The following DYTN variants were observed in gnomAD, a reference collection of about 807,000 sequenced individuals.
DYTN encodes dystrotelin.
DYTN carries 75 observed loss-of-function variants against 69.6 expected under a neutral mutation model. That is an observed-to-expected ratio of 1.08 (90% CI 0.89 to 1.31). The LOEUF (loss-of-function observed/expected upper bound fraction) is 1.31. DYTN is among the 50% of genes most tolerant of loss of function. DYTN has a pLI of 0.00. For missense variants in DYTN, 726 were observed against 688.4 expected (o/e 1.05, Z -0.61); for synonymous variants, 252 against 249.1 (o/e 1.01, Z -0.11).
At chr2:206,655,908 G>C (rs558026550) in intron 11 of DYTN, among the ~76,000 whole-genome samples, 2 of 152,252 alleles carry the variant, frequency 1.3e-5, no homozygotes, top group African/African-American at 4.8e-5. Flanking sequence ...ATTAACATAT[G>C]ATCTATCCCA....
Position 206,651,835 on chromosome 2 carries a change from A to T in DYTN, c.1720T>A (p.Leu574Met). The change falls in exon 12 of 12, where the codon TTG (leucine) becomes ATG (methionine). Residue 574 changes from leucine to methionine, a missense_variant. Physicochemically the swap from Leu to Met is conservative, Grantham distance 15. Transcript: ENST00000452335. ...AFSALVDQIA[L>M]PNLK ...ACTCCATTTCACTTCAAATTGGGCA[A>T]GGCAATTTGATCAACAAGGGCAGAG... is the stretch of plus-strand genomic sequence containing the variant. 1 of 1,613,610 alleles carries T rather than the reference A, an allele frequency of 6.2e-7. No individual in the cohort carries two copies. Among genetic ancestry groups the T allele is most frequent in the Non-Finnish European group, 8.5e-7 (1 of 1,179,582 alleles).
chr2:206,692,137 C>T (rs1355869742), intron 9 of DYTN, among the ~76,000 whole-genome samples: 1 of 151,686 alleles, frequency 6.6e-6, no homozygotes. Context: ...AAAAATTCAG[C>T]GAGCATGGTG....
intron 7 of DYTN, among the ~76,000 whole-genome samples, chr2:206,696,148 C>T (rs941628916): frequency 2.6e-5 from 4 of 152,164 alleles, no homozygotes; most frequent in Non-Finnish European, 4.4e-5. Flanking sequence ...AAGTGAGGCT[C>T]ATGCTATACA....
Position 206,691,381 on chromosome 2 carries a change from C to A in DYTN, c.980+1794G>T, listed in dbSNP as rs375066253. 2.2e-4 allele frequency among the ~76,000 whole-genome samples: 33 copies of A among 152,118 alleles called. No homozygotes were observed. The South Asian group carries it at 6.3e-3, about 29-fold the overall frequency. On this transcript the variant is annotated intron_variant, in intron 9 of 11. Coordinates refer to ENST00000452335, the MANE Select transcript of DYTN (RefSeq NM_001093730.1). Reference sequence around the variant, plus strand: ...CGAGCCGAGATGGTGCCACTACACTCCAACCTGAGCATCACAGCAAGACTC... The same window carrying A: ...CGAGCCGAGATGGTGCCACTACACTACAACCTGAGCATCACAGCAAGACTC...
intron 10 of DYTN, 88 bp downstream of exon 10, chr2:206,665,782 G>A: frequency 1.3e-6 from 2 of 1,494,366 alleles, no homozygotes; most frequent in Non-Finnish European, 1.8e-6. Context: ...GCTGATCAAA[G>A]TAAGGTGGGA....
chr2:206,651,869 G>A lies in DYTN; in HGVS notation c.1686C>T (p.Cys562=). ...MDLYSGAQRV[C]RAFSALVDQI... is the part of the protein sequence containing the mutation. Reference sequence around the variant, plus strand: ...GATCAACAAGGGCAGAGAAGGCCCTGCACACTCGCTGAGCTCCACTGTACA... The same window carrying A: ...GATCAACAAGGGCAGAGAAGGCCCTACACACTCGCTGAGCTCCACTGTACA... The change falls in exon 12 of 12, where the codon TGC becomes TGT. Residue 562 remains cysteine (C), a synonymous_variant. Coordinates refer to ENST00000452335, the MANE Select transcript of DYTN (RefSeq NM_001093730.1). 1 of 1,613,620 alleles carries A rather than the reference G, an allele frequency of 6.2e-7. No individual in the cohort carries two copies. Among genetic ancestry groups the A allele is most frequent in the Non-Finnish European group, 8.5e-7 (1 of 1,179,636 alleles).
chr2:206,682,005 C>G (rs1214039526), intron 9 of DYTN, among the ~76,000 whole-genome samples: 1 of 152,074 alleles, frequency 6.6e-6, no homozygotes, highest in South Asian at 2.1e-4. Context: ...CTGTCTGGTC[C>G]TGGACTTTTT....
intron 11 of DYTN, among the ~76,000 whole-genome samples, chr2:206,652,771 G>A (rs889563604): frequency 6.6e-6 from 1 of 152,128 alleles, no homozygotes; most frequent in Admixed American, 6.5e-5. Flanking sequence ...ACATACATAT[G>A]TGCATAGAAA....
chr2:206,718,294 G>A lies in DYTN; in HGVS notation c.-15C>T. The A allele has an allele frequency of 1.9e-6, 3 of 1,601,230 alleles. No individual in the cohort carries two copies. Among genetic ancestry groups the A allele is most frequent in the Non-Finnish European group, 1.7e-6 (2 of 1,173,758 alleles). ...TCTGGATCCATTTCACAAATTTCCT[G>A]GAATGACAGATGGCAAGTGGGTCCC... On this transcript the variant is annotated 5_prime_UTR_variant, in exon 1 of 12. Transcript: ENST00000452335.
chr2:206,652,753 A>T (rs1204370322), intron 11 of DYTN, among the ~76,000 whole-genome samples: 1 of 152,214 alleles, frequency 6.6e-6, no homozygotes, highest in African/African-American at 2.4e-5. Context: ...TATGTTGAAA[A>T]AGTAAAGACA....
intron 1 of DYTN, 75 bp from the exon 2 acceptor site, chr2:206,710,673 T>G: frequency 8.4e-7 from 1 of 1,196,648 alleles, no homozygotes; most frequent in Non-Finnish European, 1.2e-6. Flanking sequence ...AAGGAAATCC[T>G]AGAGATCATG....
chr2:206,652,983 T>C lies in DYTN; in HGVS notation c.1634-1062A>G, dbSNP rs1298408463. Among the ~76,000 whole-genome samples the C allele has an allele frequency of 4.6e-5, 7 of 152,230 alleles. No individual in the cohort carries two copies. In the East Asian group the frequency reaches 1.3e-3, roughly 29 times the overall value. ...CAGGAAATGAAAACATGGGGAGATT[T>C]ATTATGTTAGTTGTTTACTTTATAG... On this transcript the variant is annotated intron_variant, in intron 11 of 11. Coordinates refer to ENST00000452335, the MANE Select transcript of DYTN (RefSeq NM_001093730.1).
intron 9 of DYTN, among the ~76,000 whole-genome samples, chr2:206,675,222 T>C (rs1361874254): frequency 6.8e-6 from 1 of 146,892 alleles, no homozygotes; most frequent in African/African-American, 2.5e-5. Flanking sequence ...TAAGTGTATT[T>C]AAATATATAT....
At chr2:206,668,769 G>A (rs932525457) in intron 9 of DYTN, among the ~76,000 whole-genome samples, 4 of 152,098 alleles carry the variant, frequency 2.6e-5, no homozygotes, top group African/African-American at 9.7e-5. Flanking sequence ...ATCCCCACGT[G>A]TCAAGGGCAG....
chr2:206,667,697 CGTGTGT>C (rs71410894), intron 9 of DYTN, among the ~76,000 whole-genome samples: 5,346 of 144,078 alleles, frequency 0.037, 116 homozygotes, highest in Middle Eastern at 0.064. Context: ...TTTGCGTGTG[CGTGTGT>C]GTGTGTGTGT....
At chr2:206,667,697 C>CATGTGT (rs1553572214) in intron 9 of DYTN, among the ~76,000 whole-genome samples, 9 of 144,120 alleles carry the variant, frequency 6.2e-5, no homozygotes, top group Admixed American at 3.4e-4. Context: ...TTTGCGTGTG[C>CATGTGT]GTGTGTGTGT....
chr2:206,711,172 AGT>A (rs1461113097), intron 1 of DYTN, among the ~76,000 whole-genome samples: 1 of 152,224 alleles, frequency 6.6e-6, no homozygotes, highest in Non-Finnish European at 1.5e-5. Flanking sequence ...TTGAATTATT[AGT>A]GTTCGCGGTT....
intron 1 of DYTN, among the ~76,000 whole-genome samples, chr2:206,717,226 A>G (rs1700138582): frequency 6.6e-6 from 1 of 152,232 alleles, no homozygotes; most frequent in South Asian, 2.1e-4. Flanking sequence ...TCTTTTGACC[A>G]GGATTCTTGT....
chr2:206,656,501 G>T (rs983164967), intron 11 of DYTN, among the ~76,000 whole-genome samples: 3 of 151,960 alleles, frequency 2.0e-5, no homozygotes, highest in African/African-American at 7.3e-5. Context: ...TGATAGGGGA[G>T]GACAATTTTG....
Sources: allele counts gnomAD v4.1 joint callset (sites outside exome capture counted in the v4.1 genomes callset), GRCh38; gene constraint gnomAD v4.1.1; transcripts MANE v1.5; gene names NCBI Gene and HGNC (gene_info 2026-07-23, HGNC 2026-07-21).